Variants in SPECC1L observed in about 807,000 individuals in gnomAD.
The protein encoded by SPECC1L is sperm antigen with calponin homology and coiled-coil domains 1 like, also known as cytospin-A.
Under a neutral mutation model 116.8 loss-of-function variants are expected in SPECC1L, and 40 were observed. The observed-to-expected ratio is 0.34, with a 90% CI of 0.27 to 0.45. The LOEUF (loss-of-function observed/expected upper bound fraction) is 0.45, where lower values mean the gene tolerates loss of function less well. Among genes scored for constraint, SPECC1L ranks in the 20% least tolerant of loss-of-function variants. SPECC1L has a pLI of 1.00. For missense variants in SPECC1L, 1,110 were observed against 1,373.6 expected (o/e 0.81, Z 3.03); for synonymous variants, 504 against 500.6 (o/e 1.01, Z -0.09).
intron 14 of SPECC1L, among the ~76,000 whole-genome samples, chr22:24,374,987 C>T (rs1212309811): frequency 6.6e-6 from 1 of 151,766 alleles, no homozygotes; most frequent in Non-Finnish European, 1.5e-5. Context: ...TTACCAAAAT[C>T]AGGAATAAAG....
At chr22:24,284,157 G>A (rs566932258) in intron 2 of SPECC1L, among the ~76,000 whole-genome samples, 1 of 151,992 alleles carries the variant, frequency 6.6e-6, no homozygotes, top group Non-Finnish European at 1.5e-5. Flanking sequence ...GTTTCTTAAA[G>A]TAGGAGCTGA....
intron 14 of SPECC1L, among the ~76,000 whole-genome samples, chr22:24,401,369 C>G (rs1422326991): frequency 6.6e-6 from 1 of 152,166 alleles, no homozygotes; most frequent in Admixed American, 6.5e-5. Flanking sequence ...GGATCTGATT[C>G]CAGTTCATGT....
chr22:24,278,472 T>C (rs1480187331), intron 2 of SPECC1L, among the ~76,000 whole-genome samples: 2 of 152,194 alleles, frequency 1.3e-5, no homozygotes, highest in African/African-American at 4.8e-5. Flanking sequence ...TAACTCATTG[T>C]GTTTCATGGC....
intron 8 of SPECC1L, among the ~76,000 whole-genome samples, chr22:24,330,873 A>G (rs1297192886): frequency 6.6e-6 from 1 of 152,176 alleles, no homozygotes; most frequent in Non-Finnish European, 1.5e-5. Context: ...AAATGACACA[A>G]TACTACCTGC....
At chr22:24,310,470 C>G (rs1033421097) in intron 3 of SPECC1L, among the ~76,000 whole-genome samples, 1 of 152,162 alleles carries the variant, frequency 6.6e-6, no homozygotes, top group African/African-American at 2.4e-5. Flanking sequence ...AGGTGCATCC[C>G]ATCAGCAACT....
At chr22:24,298,249 C>T (rs548068246) in intron 2 of SPECC1L, among the ~76,000 whole-genome samples, 103 of 152,200 alleles carry the variant, frequency 6.8e-4, no homozygotes, top group Admixed American at 1.6e-3. Flanking sequence ...TAAGCTATGA[C>T]GTTCAGTAGG....
intron 4 of SPECC1L, among the ~76,000 whole-genome samples, chr22:24,319,727 C>T (rs371729351): frequency 2.8e-4 from 42 of 152,228 alleles, no homozygotes; most frequent in African/African-American, 9.9e-4. Flanking sequence ...TGTCTTTTTG[C>T]CAGCCTGAAT....
intron 4 of SPECC1L, among the ~76,000 whole-genome samples, chr22:24,314,864 A>G (rs761829060): frequency 1.1e-4 from 17 of 152,172 alleles, no homozygotes; most frequent in Admixed American, 6.5e-5. Context: ...TCTTTAAATG[A>G]TGTTAGAAGC....
intron 2 of SPECC1L, among the ~76,000 whole-genome samples, chr22:24,289,229 A>AT: frequency 6.6e-6 from 1 of 152,262 alleles, no homozygotes; most frequent in East Asian, 1.9e-4. Context: ...GAGACGCAAA[A>AT]TTTTTTGCAT....
intron 3 of SPECC1L, among the ~76,000 whole-genome samples, chr22:24,311,198 A>T (rs1478165605): frequency 6.6e-6 from 1 of 152,218 alleles, no homozygotes. Context: ...CATTAGCCAA[A>T]GGCAAATTGT....
At chr22:24,318,089 G>A (rs1677182381) in intron 4 of SPECC1L, among the ~76,000 whole-genome samples, 1 of 150,010 alleles carries the variant, frequency 6.7e-6, no homozygotes, top group African/African-American at 2.5e-5. Context: ...GGGCGGCCAG[G>A]CAGAGACGCT....
At chr22:24,373,957 C>T (rs963409381) in intron 14 of SPECC1L, among the ~76,000 whole-genome samples, 1 of 152,018 alleles carries the variant, frequency 6.6e-6, no homozygotes, top group African/African-American at 2.4e-5. Context: ...AACAAGTGGG[C>T]GAAGGATATG....
At chr22:24,285,379 TG>T (rs2049020999) in intron 2 of SPECC1L, among the ~76,000 whole-genome samples, 1 of 152,216 alleles carries the variant, frequency 6.6e-6, no homozygotes, top group African/African-American at 2.4e-5. Flanking sequence ...ATGTGTTAGC[TG>T]TTTCTACTTA....
intron 3 of SPECC1L, 126 bp downstream of exon 3, chr22:24,302,510 T>C (rs1006523379): frequency 1.1e-5 from 14 of 1,249,990 alleles, no homozygotes; most frequent in Middle Eastern, 2.4e-4. Context: ...ACTTGGCCTT[T>C]GAAGAGAGCT....
intron 15 of SPECC1L, chr22:24,412,243 C>T: frequency 2.7e-6 from 1 of 364,960 alleles, no homozygotes; most frequent in Non-Finnish European, 5.3e-6. Context: ...AGGCCCGCAG[C>T]CCCCACCCCA....
intron 14 of SPECC1L, among the ~76,000 whole-genome samples, chr22:24,395,742 A>T (rs566049397): frequency 6.6e-6 from 1 of 152,154 alleles, no homozygotes; most frequent in Non-Finnish European, 1.5e-5. Flanking sequence ...GTTTCAAGCA[A>T]TTCTCGTGCC....
In SPECC1L at chr22:24,415,544, G is replaced by A. The variant is rs2042785907; in HGVS notation, c.*921G>A. 6.6e-6 allele frequency: 1 copy of A among 152,658 alleles called. No individual in the cohort carries two copies. The highest frequency in any genetic ancestry group is 6.5e-5 in the Admixed American group (1 of 15,284). 9.5% of individuals were successfully genotyped at this position (152,658 alleles called of 1,614,324 possible). ...ACATCTGTACATTAGCATGGTGAGA[G>A]CAAGGAATAAAGCAGGAAATAGGAG... On this transcript the variant is annotated 3_prime_UTR_variant, in exon 17 of 17. Coordinates refer to ENST00000314328, the MANE Select transcript of SPECC1L (RefSeq NM_015330.6).
At chr22:24,344,943 G>A (rs1255909551) in intron 10 of SPECC1L, among the ~76,000 whole-genome samples, 3 of 152,180 alleles carry the variant, frequency 2.0e-5, no homozygotes, top group African/African-American at 7.2e-5. Context: ...ATATCTTGTA[G>A]TAGTCTTTTA....
intron 2 of SPECC1L, among the ~76,000 whole-genome samples, chr22:24,300,085 C>T (rs2049346827): frequency 6.6e-6 from 1 of 152,146 alleles, no homozygotes; most frequent in South Asian, 2.1e-4. Context: ...ATACATGTGC[C>T]ATGGTGGTTT....
Sources: allele counts gnomAD v4.1 joint callset (sites outside exome capture counted in the v4.1 genomes callset), GRCh38; gene constraint gnomAD v4.1.1; transcripts MANE v1.5; gene names NCBI Gene and HGNC (gene_info 2026-07-23, HGNC 2026-07-21).